The following OPCML variants were observed in gnomAD, a reference collection of about 807,000 sequenced individuals.
The protein encoded by OPCML is opioid binding protein/cell adhesion molecule like, also known as opioid-binding protein/cell adhesion molecule.
A neutral mutation model predicts 37.8 loss-of-function variants in OPCML; 13 were observed. That is an observed-to-expected ratio of 0.34 (90% CI 0.22 to 0.55). OPCML has a LOEUF of 0.55. Among genes scored for constraint, OPCML ranks in the 20% least tolerant of loss-of-function variants. The pLI is 0.91. For synonymous variants in OPCML, 176 were observed against 168.8 expected (o/e 1.04, Z -0.33); for missense variants, 341 against 435.6 (o/e 0.78, Z 1.93).
At chr11:132,468,907 C>T (rs1275574038) in intron 4 of OPCML, among the ~76,000 whole-genome samples, 1 of 152,158 alleles carries the variant, frequency 6.6e-6, no homozygotes, top group East Asian at 1.9e-4. Flanking sequence ...CCAATCACAC[C>T]CAGATATCCC....
intron 1 of OPCML, among the ~76,000 whole-genome samples, chr11:133,018,273 C>T (rs1275215994): frequency 2.0e-5 from 3 of 152,138 alleles, no homozygotes; most frequent in Non-Finnish European, 2.9e-5. Flanking sequence ...AATAGAGAAA[C>T]TTCTGGGGCC....
At chr11:132,725,217 C>T (rs150953431) in intron 2 of OPCML, among the ~76,000 whole-genome samples, 2 of 152,354 alleles carry the variant, frequency 1.3e-5, no homozygotes, top group African/African-American at 4.8e-5. Context: ...CGTTTTCATA[C>T]ATCCTCTGAA....
At chr11:133,453,605 C>T (rs1946619935) in intron 1 of OPCML, among the ~76,000 whole-genome samples, 1 of 152,190 alleles carries the variant, frequency 6.6e-6, no homozygotes, top group South Asian at 2.1e-4. Flanking sequence ...TCAGCCCTGG[C>T]TACCCTTGGG....
At chr11:133,398,418 T>A (rs1945332315) in intron 1 of OPCML, among the ~76,000 whole-genome samples, 1 of 152,152 alleles carries the variant, frequency 6.6e-6, no homozygotes, top group Non-Finnish European at 1.5e-5. Context: ...AGGATATCTG[T>A]CTTCTTTATA....
intron 2 of OPCML, among the ~76,000 whole-genome samples, chr11:132,681,454 C>T (rs1942938497): frequency 6.6e-6 from 1 of 152,084 alleles, no homozygotes; most frequent in South Asian, 2.1e-4. Context: ...AGCTTGATGG[C>T]ATTTTTTCAG....
At chr11:133,321,005 C>T (rs1426841613) in intron 1 of OPCML, among the ~76,000 whole-genome samples, 4 of 152,090 alleles carry the variant, frequency 2.6e-5, no homozygotes, top group African/African-American at 9.7e-5. Flanking sequence ...AGCTGGAGTC[C>T]CCCAGCTCCT....
At chr11:132,993,217 G>C (rs1180555432) in intron 1 of OPCML, among the ~76,000 whole-genome samples, 2 of 152,200 alleles carry the variant, frequency 1.3e-5, no homozygotes, top group African/African-American at 4.8e-5. Context: ...CCCGAGGTTT[G>C]CATACACATG....
At chr11:133,042,791 GAAGC>G (rs769845261) in intron 1 of OPCML, among the ~76,000 whole-genome samples, 1 of 152,262 alleles carries the variant, frequency 6.6e-6, no homozygotes, top group South Asian at 2.1e-4. Flanking sequence ...GCTACTCGCT[GAAGC>G]AAGAAGCCTC....
rs946500827 is a variant in OPCML, at chr11:133,177,092, G to A, written c.62-234082C>T. 3.3e-5 allele frequency among the ~76,000 whole-genome samples: 5 copies of A among 152,186 alleles called. No individual in the cohort carries two copies. The highest frequency in any genetic ancestry group is 2.6e-4 in the Admixed American group (4 of 15,274). On this transcript the variant is annotated intron_variant, in intron 1 of 7. Transcript: ENST00000524381. The surrounding 1 kb of genome is among the most constrained non-coding windows in gnomAD (Gnocchi z 5.0). ...TTCAGAGCAATGGTCCAAGGGCCAGGTGTCACCACAACCATGTATGTGTGA... is the reference window on the plus strand; with the variant it reads ...TTCAGAGCAATGGTCCAAGGGCCAGATGTCACCACAACCATGTATGTGTGA...
chr11:132,696,981 C>T (rs535811285), intron 2 of OPCML, among the ~76,000 whole-genome samples: 2 of 152,140 alleles, frequency 1.3e-5, no homozygotes, highest in African/African-American at 4.8e-5. Flanking sequence ...GTGAACACTT[C>T]TAAACAAAAA....
intron 1 of OPCML, among the ~76,000 whole-genome samples, chr11:133,238,391 T>G (rs1212584951): frequency 6.6e-6 from 1 of 152,276 alleles, no homozygotes; most frequent in Non-Finnish European, 1.5e-5. Context: ...GACTATTTAC[T>G]GATAAATTTA....
intron 3 of OPCML, among the ~76,000 whole-genome samples, chr11:132,633,458 G>A (rs752649793): frequency 2.0e-5 from 3 of 152,118 alleles, no homozygotes; most frequent in Non-Finnish European, 2.9e-5. Flanking sequence ...ATTAAAAGCC[G>A]GGAATGTGGT....
chr11:132,809,048 C>T (rs1340816705), intron 2 of OPCML, among the ~76,000 whole-genome samples: 2 of 152,110 alleles, frequency 1.3e-5, no homozygotes, highest in Non-Finnish European at 2.9e-5. Context: ...TTCTGGAAGG[C>T]TATACTCCAA....
chr11:132,742,839 T>C (rs1945479673), intron 2 of OPCML, among the ~76,000 whole-genome samples: 1 of 150,888 alleles, frequency 6.6e-6, no homozygotes, highest in Admixed American at 6.6e-5. Flanking sequence ...TTATATATAA[T>C]GTATACATAT....
At chr11:133,522,148 T>C (rs557962235) in intron 1 of OPCML, among the ~76,000 whole-genome samples, 67 of 152,336 alleles carry the variant, frequency 4.4e-4, no homozygotes, top group African/African-American at 1.6e-3. Context: ...TACATGTATG[T>C]GATTTGTACA....
intron 1 of OPCML, among the ~76,000 whole-genome samples, chr11:133,380,084 T>C (rs1944899772): frequency 6.6e-6 from 1 of 152,292 alleles, no homozygotes; most frequent in East Asian, 1.9e-4. Context: ...GAGTACAACA[T>C]GGTTCTTGCC....
In OPCML at chr11:132,476,690, T is replaced by G. The variant is rs2136988114; in HGVS notation, c.506-39331A>C. Among the ~76,000 whole-genome samples the G allele has an allele frequency of 2.0e-5, 3 of 151,984 alleles. No individual in the cohort carries two copies. In the South Asian group the frequency reaches 6.3e-4, roughly 32 times the overall value. ...GAACATCACACACAGGGGACTGTTTTGGGGTGGAGGGAGCAGGGATGGATA... is the reference window on the plus strand; with the variant it reads ...GAACATCACACACAGGGGACTGTTTGGGGGTGGAGGGAGCAGGGATGGATA... On this transcript the variant is annotated intron_variant, in intron 4 of 7. Transcript: ENST00000524381.
chr11:133,203,651 A>G (rs1020969005), intron 1 of OPCML, among the ~76,000 whole-genome samples: 3 of 152,256 alleles, frequency 2.0e-5, no homozygotes, highest in African/African-American at 7.2e-5. Context: ...GAATGATTAT[A>G]AAATTTTGGA....
chr11:132,675,290 A>G (rs1022191629), intron 2 of OPCML, among the ~76,000 whole-genome samples: 2 of 151,786 alleles, frequency 1.3e-5, no homozygotes, highest in African/African-American at 4.8e-5. Flanking sequence ...TATATAAAAG[A>G]TTTCACTTTT....
Sources: gnomAD v4.1 joint callset for allele counts (sites outside exome capture counted in the v4.1 genomes callset) on GRCh38, gnomAD v4.1.1 for gene constraint, Gnocchi (gnomAD v3.1) non-coding constraint, MANE v1.5 for transcripts, NCBI Gene and HGNC (gene_info 2026-07-23, HGNC 2026-07-21) for gene names.